The following DLG2 variants were observed in gnomAD, a reference collection of about 807,000 sequenced individuals.
DLG2 encodes the protein disks large homolog 2.
In DLG2, 45 loss-of-function variants were observed where a neutral mutation model predicts 132.5. The ratio of observed to expected loss-of-function variants is 0.34; its 90% CI spans 0.27 to 0.44. The LOEUF is 0.44. DLG2 is among the 20% of genes least tolerant of loss of function. The probability of loss-of-function intolerance (pLI) is 1.00; values close to 1 mark genes in which losing one functional copy is unlikely to be tolerated. For missense variants in DLG2, 1,045 were observed against 1,196.9 expected (o/e 0.87, Z 1.87); for synonymous variants, 424 against 419.6 (o/e 1.01, Z -0.13).
intron 8 of DLG2, among the ~76,000 whole-genome samples, chr11:84,195,138 C>A (rs1285052729): frequency 1.3e-5 from 2 of 152,094 alleles, no homozygotes; most frequent in Non-Finnish European, 2.9e-5. Context: ...TGTCACCTCT[C>A]ACTTTCCCTC....
At chr11:84,667,489 T>C (rs978550298) in intron 6 of DLG2, among the ~76,000 whole-genome samples, 9 of 39,420 alleles carry the variant, frequency 2.3e-4, no homozygotes, top group Non-Finnish European at 3.0e-4. Context: ...TTTTTGTTTT[T>C]TGTTTTTTGT....
chr11:85,466,266 T>C (rs929252111), intron 3 of DLG2, among the ~76,000 whole-genome samples: 2 of 152,244 alleles, frequency 1.3e-5, no homozygotes, highest in Non-Finnish European at 2.9e-5. Flanking sequence ...AGGTTGCCTG[T>C]TCACTCTGAT....
In DLG2 at chr11:84,586,150, C is replaced by CAA. The variant is rs71036429; in HGVS notation, c.358-51421_358-51420dup. On this transcript the variant is annotated intron_variant, in intron 6 of 27. Coordinates refer to ENST00000376104, the MANE Select transcript of DLG2 (RefSeq NM_001142699.3). ...GGGGTGACAGAGTGAGATTCTGACT[C>CAA]AAAAAAAAAAAAAAAGGGTTTGTAA... Among the ~76,000 whole-genome samples the CAA allele has an allele frequency of 4.5e-3, 602 of 133,206 alleles. 6 individuals are homozygous for CAA. Among genetic ancestry groups the CAA allele is most frequent in the Middle Eastern group, 0.012 (3 of 260 alleles). The allele number at this position is 133,206 out of a possible 152,430, so 87.4% of individuals were successfully genotyped here.
intron 6 of DLG2, among the ~76,000 whole-genome samples, chr11:84,708,734 A>G (rs1276861393): frequency 2.0e-5 from 3 of 151,844 alleles, no homozygotes; most frequent in African/African-American, 7.3e-5. Context: ...CTGGCTTGAG[A>G]GACCAACCAT....
intron 16 of DLG2, among the ~76,000 whole-genome samples, chr11:83,841,906 T>C (rs2057620415): frequency 6.6e-6 from 1 of 152,154 alleles, no homozygotes; most frequent in African/African-American, 2.4e-5. Context: ...CAAACGCTTA[T>C]AGAAGCCTAG....
At chr11:84,423,036 G>T (rs2098955667) in intron 7 of DLG2, among the ~76,000 whole-genome samples, 1 of 152,098 alleles carries the variant, frequency 6.6e-6, no homozygotes. Flanking sequence ...ACTGTAAAGG[G>T]TAGATGGAAC....
At chr11:83,658,249 GTTC>G (rs2073266206) in intron 18 of DLG2, among the ~76,000 whole-genome samples, 1 of 152,050 alleles carries the variant, frequency 6.6e-6, no homozygotes, top group Non-Finnish European at 1.5e-5. Flanking sequence ...ACATTTTTAT[GTTC>G]TTGTTTTCTT....
rs529231070 is a variant in DLG2 at position 85,545,502 on chromosome 11, T to C, written c.40+53155A>G. Among the ~76,000 whole-genome samples, 80 of 152,338 alleles carry C rather than the reference T, an allele frequency of 5.3e-4. 3 individuals are homozygous for C. The highest frequency in any genetic ancestry group is 1.7e-3 in the African/African-American group (72 of 41,582). ...TGGTATTAGGATGATGCTGGCCTCA[T>C]GAAGTGAGTTAGGGTGGATTCCCTC... On this transcript the variant is annotated intron_variant, in intron 3 of 27. Coordinates refer to ENST00000376104, the MANE Select transcript of DLG2 (RefSeq NM_001142699.3).
chr11:85,502,472 T>C (rs1390593457), intron 3 of DLG2, among the ~76,000 whole-genome samples: 2 of 148,666 alleles, frequency 1.3e-5, no homozygotes, highest in Non-Finnish European at 3.0e-5. Context: ...TATGCAGCCA[T>C]AAAAAGAATG....
At chr11:83,819,134 G>T (rs2049970592) in intron 17 of DLG2, among the ~76,000 whole-genome samples, 1 of 152,058 alleles carries the variant, frequency 6.6e-6, no homozygotes, top group African/African-American at 2.4e-5. Flanking sequence ...ATCAACAAAG[G>T]GAGTTCCCGC....
intron 6 of DLG2, among the ~76,000 whole-genome samples, chr11:85,104,486 G>A (rs1245653411): frequency 3.3e-5 from 5 of 151,840 alleles, no homozygotes; most frequent in African/African-American, 1.2e-4. Context: ...TCCGCTTATA[G>A]GAAATATCTA....
chr11:85,310,757 TC>T (rs2080264257), intron 3 of DLG2, among the ~76,000 whole-genome samples: 1 of 152,196 alleles, frequency 6.6e-6, no homozygotes, highest in Non-Finnish European at 1.5e-5. Context: ...AACATTTATA[TC>T]TGATGCTATA....
chr11:84,375,076 T>C (rs1435422381), intron 7 of DLG2, among the ~76,000 whole-genome samples: 2 of 152,180 alleles, frequency 1.3e-5, no homozygotes, highest in Non-Finnish European at 2.9e-5. Context: ...AGAAACTCTG[T>C]CTTTAAAAAG....
intron 6 of DLG2, among the ~76,000 whole-genome samples, chr11:84,645,873 C>A (rs180835504): frequency 6.6e-6 from 1 of 152,304 alleles, no homozygotes; most frequent in African/African-American, 2.4e-5. Flanking sequence ...AACATATTTC[C>A]AGTGGGGCAT....
intron 3 of DLG2, among the ~76,000 whole-genome samples, chr11:85,479,761 A>T (rs2093241724): frequency 6.6e-6 from 1 of 152,190 alleles, no homozygotes; most frequent in Non-Finnish European, 1.5e-5. Context: ...TCTGAGATCA[A>T]GGTATCAGTA....
intron 7 of DLG2, among the ~76,000 whole-genome samples, chr11:84,511,804 C>T (rs923588466): frequency 1.3e-5 from 2 of 152,120 alleles, no homozygotes; most frequent in African/African-American, 4.8e-5. Flanking sequence ...TGTTAAAATG[C>T]TGGTTCTCAG....
intron 17 of DLG2, among the ~76,000 whole-genome samples, chr11:83,793,050 GT>G (rs2041985275): frequency 6.6e-6 from 1 of 151,918 alleles, no homozygotes; most frequent in Non-Finnish European, 1.5e-5. Context: ...CTTCTTATAT[GT>G]TTATTGGATA....
At position 84,916,425 on chromosome 11, in the gene DLG2, C is replaced by G. The variant is rs1009632429; in HGVS notation, c.357+195236G>C. On this transcript the variant is annotated intron_variant, in intron 6 of 27. Coordinates refer to ENST00000376104, the MANE Select transcript of DLG2 (RefSeq NM_001142699.3). ...TAATTACTTATCAAAGTATTTTTCT[C>G]TAATTAATACAGCAGAGCTGAAAAC... 2.2e-5 allele frequency among the ~76,000 whole-genome samples: 3 copies of G among 138,362 alleles called. No homozygotes were observed. The Admixed American group carries it at 2.2e-4, about 10-fold the overall frequency. 90.8% of individuals were successfully genotyped at this position (138,362 alleles called of 152,430 possible). A position where few individuals can be genotyped will look rare whatever the true frequency, so the allele number is the denominator to read the frequency against.
intron 18 of DLG2, among the ~76,000 whole-genome samples, chr11:83,678,236 A>G (rs2078108673): frequency 1.3e-5 from 2 of 152,150 alleles, no homozygotes; most frequent in Admixed American, 1.3e-4. Flanking sequence ...CTTTTGGGTT[A>G]ATGGAGGAAA....
Sources: gnomAD v4.1 joint callset for allele counts (sites outside exome capture counted in the v4.1 genomes callset) on GRCh38, gnomAD v4.1.1 for gene constraint, MANE v1.5 for transcripts, NCBI Gene and HGNC (gene_info 2026-07-23, HGNC 2026-07-21) for gene names.